GALNT7: variants seen among roughly 807,000 people sequenced by gnomAD.
GALNT7 encodes N-acetylgalactosaminyltransferase 7.
Under a neutral mutation model 82.1 loss-of-function variants are expected in GALNT7, and 60 were observed. The ratio of observed to expected loss-of-function variants is 0.73; its 90% CI spans 0.59 to 0.91. GALNT7 has a LOEUF of 0.91. Among genes scored for constraint, GALNT7 ranks in the 40% least tolerant of loss-of-function variants. The pLI is 0.00. For missense variants in GALNT7, 660 were observed against 804.2 expected, an observed-to-expected ratio of 0.82 and a Z score of 2.17; for synonymous variants, 243 against 275.1, an observed-to-expected ratio of 0.88 and a Z score of 1.15.
intron 1 of GALNT7, among the ~76,000 whole-genome samples, chr4:173,188,211 T>C (rs1039460932): frequency 6.6e-6 from 1 of 152,162 alleles, no homozygotes; most frequent in Non-Finnish European, 1.5e-5. Context: ...TTGAGGAAAT[T>C]TGTGGCTTAG....
At chr4:173,171,182 T>C (rs1731856717) in intron 1 of GALNT7, among the ~76,000 whole-genome samples, 1 of 152,308 alleles carries the variant, frequency 6.6e-6, no homozygotes, top group African/African-American at 2.4e-5. Flanking sequence ...AGAGCATAAA[T>C]AAGGGATTAT....
chr4:173,213,821 A>T (rs560968374), intron 1 of GALNT7, among the ~76,000 whole-genome samples: 1 of 152,124 alleles, frequency 6.6e-6, no homozygotes. Flanking sequence ...GCTGGCCATT[A>T]TGTTTTTACC....
intron 1 of GALNT7, among the ~76,000 whole-genome samples, chr4:173,196,892 C>G (rs1471518019): frequency 6.6e-6 from 1 of 152,122 alleles, no homozygotes; most frequent in Non-Finnish European, 1.5e-5. Context: ...GAGACACTTT[C>G]ACATTTGGAT....
chr4:173,211,598 G>A (rs1478049013), intron 1 of GALNT7, among the ~76,000 whole-genome samples: 1 of 152,196 alleles, frequency 6.6e-6, no homozygotes, highest in Non-Finnish European at 1.5e-5. Flanking sequence ...GGAGTTTCAA[G>A]TTACTCTTTA....
At position 173,256,073 on chromosome 4, in the gene GALNT7, A is replaced by T. The variant is rs2077816186; in HGVS notation, c.587+7633A>T. 2.0e-5 allele frequency among the ~76,000 whole-genome samples: 3 copies of T among 152,324 alleles called. No homozygotes were observed. In the South Asian group the frequency reaches 6.2e-4, roughly 32 times the overall value. ...ATCAGGAATAAGGTTTCTCACAGCT[A>T]AAGAGACAGCCATAAAAAATTATTT... On this transcript the variant is annotated intron_variant, in intron 2 of 11. Transcript: ENST00000265000.
intron 2 of GALNT7, among the ~76,000 whole-genome samples, chr4:173,273,742 C>T (rs1485025657): frequency 1.3e-5 from 2 of 152,170 alleles, no homozygotes; most frequent in Middle Eastern, 6.8e-3. Context: ...CTTCTTTTTC[C>T]TCTCATTCTT....
intron 9 of GALNT7, among the ~76,000 whole-genome samples, chr4:173,315,527 C>T (rs995394886): frequency 6.6e-6 from 1 of 152,072 alleles, no homozygotes; most frequent in Non-Finnish European, 1.5e-5. Context: ...AGGGAGAAAA[C>T]ACAGATAGAG....
chr4:173,283,170 C>T (rs1032693534), intron 2 of GALNT7, among the ~76,000 whole-genome samples: 5 of 152,178 alleles, frequency 3.3e-5, no homozygotes, highest in Non-Finnish European at 2.9e-5. Flanking sequence ...ATTTCCCTCT[C>T]TCCAGTCCTC....
intron 1 of GALNT7, among the ~76,000 whole-genome samples, chr4:173,182,344 C>T (rs997499293): frequency 4.6e-5 from 7 of 152,064 alleles, no homozygotes; most frequent in African/African-American, 1.4e-4. Flanking sequence ...TACATTTGTT[C>T]AGTATTTTTG....
intron 8 of GALNT7, among the ~76,000 whole-genome samples, chr4:173,313,570 CA>C (rs957463269): frequency 0.03 from 1,849 of 62,346 alleles, 36 homozygotes; most frequent in African/African-American, 0.077. Flanking sequence ...GACCCCATCA[CA>C]AAAAAAAAAA....
At chr4:173,279,983 G>GA (rs903813179) in intron 2 of GALNT7, among the ~76,000 whole-genome samples, 33 of 146,238 alleles carry the variant, frequency 2.3e-4, no homozygotes, top group East Asian at 9.9e-4. Flanking sequence ...CAATAAAAAG[G>GA]AAAAAAAAAA....
chr4:173,255,996 G>A (rs1264469582), intron 2 of GALNT7, among the ~76,000 whole-genome samples: 1 of 152,176 alleles, frequency 6.6e-6, no homozygotes, highest in African/African-American at 2.4e-5. Context: ...AATTCAGTGT[G>A]TAAGTTTTTG....
intron 8 of GALNT7, among the ~76,000 whole-genome samples, chr4:173,305,090 C>T (rs768449554): frequency 1.1e-4 from 16 of 152,032 alleles, no homozygotes; most frequent in Non-Finnish European, 2.4e-4. Context: ...TTCTGAGGAA[C>T]CTCTGTACTG....
At chr4:173,295,565 G>A (rs1366341940) in intron 4 of GALNT7, 39 bp downstream of exon 4, 5 of 1,591,832 alleles carry the variant, frequency 3.1e-6, no homozygotes, top group Non-Finnish European at 4.3e-6. Flanking sequence ...AACATTTTGG[G>A]TTTGGTAACT....
In GALNT7 at chr4:173,188,970, C is replaced by T. The variant is rs78257506; in HGVS notation, c.126+20009C>T. 5.7e-3 allele frequency among the ~76,000 whole-genome samples: 871 copies of T among 152,274 alleles called. 10 individuals are homozygous for T. The highest frequency in any genetic ancestry group is 0.02 in the African/African-American group (822 of 41,542). On this transcript the variant is annotated intron_variant, in intron 1 of 11. Coordinates refer to ENST00000265000, the MANE Select transcript of GALNT7 (RefSeq NM_017423.3). ...GAGTAGCCCCTGGCCTTACTGCCCT[C>T]GAGGGAGAGGTTAAAGTGTTCCAGT...
At chr4:173,206,043 CAG>C (rs1271278346) in intron 1 of GALNT7, among the ~76,000 whole-genome samples, 2 of 151,134 alleles carry the variant, frequency 1.3e-5, no homozygotes, top group African/African-American at 2.4e-5. Flanking sequence ...CCTGGAACCT[CAG>C]GGGCTGGCCT....
intron 6 of GALNT7, among the ~76,000 whole-genome samples, chr4:173,300,343 A>T (rs1050952304): frequency 1.7e-4 from 26 of 152,182 alleles, no homozygotes; most frequent in African/African-American, 6.3e-4. Context: ...ACCCTGTCTC[A>T]CAAAACAAAC....
chr4:173,298,098 C>T lies in GALNT7; in HGVS notation c.966-17C>T, dbSNP rs749603863. The T allele has an allele frequency of 1.2e-6, 2 of 1,612,514 alleles. No homozygotes were observed. The highest frequency in any genetic ancestry group is 2.2e-5 in the South Asian group (2 of 90,896). Reference sequence around the variant, plus strand: ...ATACGCTTCCATTTGATCTTTGCTGCCATCAACACAATACAGAACCATTTG... The same window carrying T: ...ATACGCTTCCATTTGATCTTTGCTGTCATCAACACAATACAGAACCATTTG... On this transcript the variant is annotated splice_polypyrimidine_tract_variant and intron_variant, in intron 5 of 11. Coordinates refer to ENST00000265000, the MANE Select transcript of GALNT7 (RefSeq NM_017423.3).
intron 8 of GALNT7, among the ~76,000 whole-genome samples, chr4:173,305,524 G>A (rs912909109): frequency 6.6e-6 from 1 of 152,096 alleles, no homozygotes; most frequent in African/African-American, 2.4e-5. Flanking sequence ...TCTTTTAGAA[G>A]TGTTACAGTT....
Sources: gnomAD v4.1 joint callset for allele counts (sites outside exome capture counted in the v4.1 genomes callset) on GRCh38, gnomAD v4.1.1 for gene constraint, MANE v1.5 for transcripts, NCBI Gene and HGNC (gene_info 2026-07-23, HGNC 2026-07-21) for gene names.